The following BUB1B variants were observed in gnomAD, a reference collection of about 807,000 sequenced individuals.
BUB1B encodes BUB1 mitotic checkpoint serine/threonine kinase B, also known as mitotic checkpoint serine/threonine-protein kinase BUB1 beta.
BUB1B carries 86 observed loss-of-function variants against 137.7 expected under a neutral mutation model. The ratio of observed to expected loss-of-function variants is 0.62; its 90% CI spans 0.52 to 0.75. BUB1B has a LOEUF of 0.75. Among genes scored for constraint, BUB1B ranks in the 30% least tolerant of loss-of-function variants. The probability of loss-of-function intolerance (pLI) is 0.00; values close to 1 mark genes in which losing one functional copy is unlikely to be tolerated. For synonymous variants in BUB1B, 420 were observed against 417.9 expected, an observed-to-expected ratio of 1.00 and a Z score of -0.06; for missense variants, 1,130 against 1,236.9, an observed-to-expected ratio of 0.91 and a Z score of 1.30.
chr15:40,218,115 A>T lies in BUB1B; in HGVS notation c.2851-341A>T, dbSNP rs7177435. 0.013 allele frequency among the ~76,000 whole-genome samples: 2,043 copies of T among 152,334 alleles called. 52 individuals are homozygous for T. Among genetic ancestry groups the T allele is most frequent in the African/African-American group, 0.046 (1,926 of 41,572 alleles). ...TCTAACTCAGCTTTAGACATAAGAC[A>T]TTTGCTGATTGAATATGTAGCACAA... On this transcript the variant is annotated intron_variant, in intron 21 of 22. Transcript: ENST00000287598.
intron 5 of BUB1B, among the ~76,000 whole-genome samples, chr15:40,180,995 C>T (rs2037285407): frequency 6.6e-6 from 1 of 151,824 alleles, no homozygotes. Flanking sequence ...TAGTTCCTGA[C>T]CTATACATAA....
Position 40,213,481 on chromosome 15 carries a change from C to T in BUB1B, c.2678+7C>T. The T allele has an allele frequency of 6.2e-7, 1 of 1,613,888 alleles. No homozygotes were observed. The highest frequency in any genetic ancestry group is 2.2e-5 in the East Asian group (1 of 44,882). ...GTCTGATTCTCAGAAACAGGTTGGT[C>T]CTTTTCATTCTTATAATTCTGCCAG... On this transcript the variant is annotated splice_region_variant and intron_variant, in intron 20 of 22. Transcript: ENST00000287598.
chr15:40,208,935 A>G (rs904174918), intron 16 of BUB1B, among the ~76,000 whole-genome samples, 165 bp downstream of exon 16: 8 of 152,174 alleles, frequency 5.3e-5, no homozygotes, highest in Non-Finnish European at 2.9e-5. Flanking sequence ...CTCCTACCTC[A>G]GCCTCCCGAG....
chr15:40,173,875 T>A, intron 4 of BUB1B: 1 of 386,636 alleles, frequency 2.6e-6, no homozygotes, highest in East Asian at 8.0e-5. Context: ...CTACTTTCTT[T>A]CGCTTTGCAG....
At chr15:40,211,716 A>C (rs1346396718) in intron 18 of BUB1B, among the ~76,000 whole-genome samples, 1 of 151,904 alleles carries the variant, frequency 6.6e-6, no homozygotes, top group East Asian at 1.9e-4. Context: ...TCTGTTTTAT[A>C]CTCACTAGGT....
rs775047994 is a variant in BUB1B at position 40,196,792 on chromosome 15, T to G, written c.1288+18T>G. On this transcript the variant is annotated intron_variant, in intron 9 of 22. Transcript: ENST00000287598. Reference sequence around the variant, plus strand: ...AAGGGAAGGTGTGTGTAATTCAAGTTTGTGAAGAGGACTTAACTTAGTTGT... The same window carrying G: ...AAGGGAAGGTGTGTGTAATTCAAGTGTGTGAAGAGGACTTAACTTAGTTGT... 20 of 1,609,702 alleles carry G rather than the reference T, an allele frequency of 1.2e-5. No homozygotes were observed. The highest frequency in any genetic ancestry group is 2.6e-6 in the Non-Finnish European group (3 of 1,176,202).
Position 40,202,402 on chromosome 15 carries a change from T to C in BUB1B, c.1568-3T>C, listed in dbSNP as rs1326404435. 6.2e-7 allele frequency: 1 copy of C among 1,606,480 alleles called. No homozygotes were observed. Among genetic ancestry groups the C allele is most frequent in the Non-Finnish European group, 8.5e-7 (1 of 1,174,712 alleles). ...AGTATGTATCTAGTCTCTCTTTCTC[T>C]AGGTCCCAGTGTACCTTTCTCCATT... On this transcript the variant is annotated splice_region_variant and splice_polypyrimidine_tract_variant and intron_variant, in intron 12 of 22. Transcript: ENST00000287598.
At chr15:40,204,438 A>AC (rs2037611642) in intron 14 of BUB1B, among the ~76,000 whole-genome samples, 1 of 94,726 alleles carries the variant, frequency 1.1e-5, no homozygotes, top group African/African-American at 3.4e-5. Context: ...AACTTCATTT[A>AC]CCTTTTTTTT....
chr15:40,208,860 G>A, intron 16 of BUB1B, 90 bp downstream of exon 16: 3 of 1,324,950 alleles, frequency 2.3e-6, no homozygotes, highest in Non-Finnish European at 3.2e-6. Flanking sequence ...TTTGAGACAG[G>A]GTCTCACTCT....
chr15:40,204,398 C>T (rs1320927802), intron 14 of BUB1B, among the ~76,000 whole-genome samples: 1 of 149,918 alleles, frequency 6.7e-6, no homozygotes, highest in Non-Finnish European at 1.5e-5. Flanking sequence ...TTCAGCTGTT[C>T]AAGGATATGC....
intron 4 of BUB1B, among the ~76,000 whole-genome samples, chr15:40,171,360 C>A (rs768260895): frequency 2.6e-5 from 4 of 152,074 alleles, no homozygotes; most frequent in Non-Finnish European, 4.4e-5. Flanking sequence ...CTAGTCAGGG[C>A]AAAATTGGTG....
At position 40,196,700 on chromosome 15, in the gene BUB1B, C is replaced by G. The variant is rs1380909243; in HGVS notation, c.1214C>G (p.Ala405Gly). 6.2e-7 allele frequency: 1 copy of G among 1,614,008 alleles called. No individual in the cohort carries two copies. Among genetic ancestry groups the G allele is most frequent in the Admixed American group, 1.7e-5 (1 of 59,994 alleles). Reference protein sequence around the residue: ...KMMYCKEKIYAGVGEFSFEEI... With the variant: ...KMMYCKEKIYGGVGEFSFEEI... The stretch of plus-strand genomic sequence containing the variant: ...ATGTATTGTAAGGAGAAGATTTATG[C>G]AGGAGTAGGGGAATTCTCCTTTGAA... The change falls in exon 9 of 23, where the codon GCA (alanine) becomes GGA (glycine). Residue 405 changes from alanine (A) to glycine (G), a missense_variant. Physicochemically the swap from Ala to Gly is moderately conservative, Grantham distance 60. Transcript: ENST00000287598.
chr15:40,167,507 TA>T (rs1408503200), intron 2 of BUB1B, among the ~76,000 whole-genome samples: 1 of 152,022 alleles, frequency 6.6e-6, no homozygotes, highest in African/African-American at 2.4e-5. Context: ...CACGCCTGGC[TA>T]ATTTTTTGTA....
intron 12 of BUB1B, among the ~76,000 whole-genome samples, chr15:40,201,287 GA>G (rs1012269454): frequency 5.7e-4 from 86 of 151,378 alleles, no homozygotes; most frequent in Middle Eastern, 3.4e-3. Flanking sequence ...TCTTTTCAGG[GA>G]AAAAAAAATT....
chr15:40,200,174 A>T, intron 10 of BUB1B, 70 bp from the exon 11 acceptor site: 1 of 1,024,618 alleles, frequency 9.8e-7, no homozygotes, highest in Non-Finnish European at 1.5e-6. Flanking sequence ...CAGTAAAGCT[A>T]ATGTTAGAAC....
At chr15:40,198,461 A>G in intron 9 of BUB1B, among the ~76,000 whole-genome samples, 1 of 152,194 alleles carries the variant, frequency 6.6e-6, no homozygotes, top group Admixed American at 6.5e-5. Context: ...GTACCCTTAC[A>G]TAAATCCTCA....
At chr15:40,205,243 G>A (rs1041649002) in intron 14 of BUB1B, among the ~76,000 whole-genome samples, 7 of 152,028 alleles carry the variant, frequency 4.6e-5, no homozygotes, top group African/African-American at 1.4e-4. Flanking sequence ...CACTGCACCC[G>A]GCCTATAATT....
chr15:40,177,933 A>G (rs2140886275), intron 5 of BUB1B, among the ~76,000 whole-genome samples: 1 of 150,976 alleles, frequency 6.6e-6, no homozygotes, highest in South Asian at 2.1e-4. Flanking sequence ...TTATATAGTG[A>G]TTCTCCCTTT....
chr15:40,167,987 C>T (rs961167137), intron 2 of BUB1B, among the ~76,000 whole-genome samples: 2 of 150,518 alleles, frequency 1.3e-5, no homozygotes, highest in Admixed American at 1.3e-4. Context: ...TTCAAAATTG[C>T]TTTAGTTATT....
Sources: allele counts gnomAD v4.1 joint callset (sites outside exome capture counted in the v4.1 genomes callset), GRCh38; gene constraint gnomAD v4.1.1; transcripts MANE v1.5; gene names NCBI Gene and HGNC (gene_info 2026-07-23, HGNC 2026-07-21).